Variants in COG5 observed in about 807,000 individuals in gnomAD.
COG5 encodes component of oligomeric golgi complex 5, also known as conserved oligomeric Golgi complex subunit 5.
Under a neutral mutation model 110.4 loss-of-function variants are expected in COG5, and 86 were observed. The observed-to-expected ratio is 0.78, with a 90% confidence interval of 0.65 to 0.93. The LOEUF is 0.93. COG5 is among the 40% of genes least tolerant of loss of function. The pLI is 0.00. For missense variants in COG5, 1,077 were observed against 987.0 expected, an observed-to-expected ratio of 1.09 and a Z score of -1.22; for synonymous variants, 360 against 334.6, an observed-to-expected ratio of 1.08 and a Z score of -0.83.
At chr7:107,403,833 G>A (rs1791616739) in intron 7 of COG5, among the ~76,000 whole-genome samples, 1 of 152,194 alleles carries the variant, frequency 6.6e-6, no homozygotes, top group East Asian at 1.9e-4. Context: ...TAAGGAGGAT[G>A]CATTGGGAAC....
chr7:107,240,474 C>T (rs991035095), intron 17 of COG5, among the ~76,000 whole-genome samples: 2 of 152,148 alleles, frequency 1.3e-5, no homozygotes, highest in African/African-American at 2.4e-5. Context: ...CCTCGGCCTC[C>T]GAAAGTGCTG....
At chr7:107,503,622 C>A (rs560573417) in intron 6 of COG5, among the ~76,000 whole-genome samples, 2 of 152,128 alleles carry the variant, frequency 1.3e-5, no homozygotes, top group Non-Finnish European at 2.9e-5. Flanking sequence ...ATTGATTCTT[C>A]CAATCTATGA....
At chr7:107,372,447 A>T in intron 8 of COG5, 148 bp downstream of exon 8, 1 of 766,290 alleles carries the variant, frequency 1.3e-6, no homozygotes, top group East Asian at 2.7e-5. Context: ...GATATAAATA[A>T]ATTCTGAAAC....
At chr7:107,396,527 G>A (rs1791023720) in intron 7 of COG5, among the ~76,000 whole-genome samples, 1 of 118,776 alleles carries the variant, frequency 8.4e-6, no homozygotes, top group Admixed American at 1.1e-4. Context: ...AGGCCAGGGG[G>A]GTGAGGAGTG....
intron 5 of COG5, among the ~76,000 whole-genome samples, chr7:107,529,024 T>TAAAAAAA (rs58281094): frequency 4.1e-5 from 4 of 97,846 alleles, no homozygotes; most frequent in Admixed American, 1.0e-4. Flanking sequence ...AATACTTAAA[T>TAAAAAAA]AAAAAAAAAA....
intron 21 of COG5, among the ~76,000 whole-genome samples, chr7:107,205,699 A>C (rs1798720277): frequency 6.6e-6 from 1 of 152,006 alleles, no homozygotes; most frequent in South Asian, 2.1e-4. Context: ...GCAGCTCTTT[A>C]TCTCTTAGGA....
chr7:107,462,036 A>G (rs1452667028), intron 6 of COG5, among the ~76,000 whole-genome samples: 5 of 152,348 alleles, frequency 3.3e-5, no homozygotes, highest in African/African-American at 1.2e-4. Context: ...TGGACAGAAC[A>G]TAGCTCACAC....
chr7:107,551,535 CACTT>C (rs1304284203), intron 3 of COG5, among the ~76,000 whole-genome samples: 4 of 152,292 alleles, frequency 2.6e-5, no homozygotes, highest in East Asian at 3.8e-4. Context: ...ATACACACCA[CACTT>C]ACTTTTCAGC....
chr7:107,222,957 A>G (rs1046937161), intron 19 of COG5, among the ~76,000 whole-genome samples: 1 of 152,184 alleles, frequency 6.6e-6, no homozygotes, highest in Non-Finnish European at 1.5e-5. Flanking sequence ...TGCAGCTGTC[A>G]GTCTTCTGAC....
intron 7 of COG5, among the ~76,000 whole-genome samples, chr7:107,399,305 T>G (rs1791254076): frequency 6.6e-6 from 1 of 152,136 alleles, no homozygotes; most frequent in African/African-American, 2.4e-5. Context: ...AAGAAAATAT[T>G]TATGATATGG....
chr7:107,258,523 A>T, intron 14 of COG5, 140 bp from the exon 15 acceptor site: 1 of 684,420 alleles, frequency 1.5e-6, no homozygotes, highest in Non-Finnish European at 2.7e-6. Context: ...GACAAAGAGA[A>T]TGTTAACTGG....
intron 11 of COG5, among the ~76,000 whole-genome samples, chr7:107,317,961 A>C (rs1808900993): frequency 6.6e-6 from 1 of 152,224 alleles, no homozygotes; most frequent in African/African-American, 2.4e-5. Context: ...AATAATAAAC[A>C]ATATCGGAAG....
At chr7:107,366,949 C>G (rs149780323) in intron 8 of COG5, among the ~76,000 whole-genome samples, 2 of 151,976 alleles carry the variant, frequency 1.3e-5, no homozygotes, top group African/African-American at 4.8e-5. Context: ...GTGGGAAAGG[C>G]TGAATTGGGA....
At chr7:107,233,388 C>T (rs933503485) in intron 18 of COG5, among the ~76,000 whole-genome samples, 1 of 152,164 alleles carries the variant, frequency 6.6e-6, no homozygotes, top group Non-Finnish European at 1.5e-5. Flanking sequence ...CACCTCGTGC[C>T]CATGACCTGG....
At chr7:107,275,815 T>C (rs1290865545) in intron 14 of COG5, among the ~76,000 whole-genome samples, 3 of 151,954 alleles carry the variant, frequency 2.0e-5, no homozygotes, top group Non-Finnish European at 4.4e-5. Context: ...TGAGCCACCA[T>C]ACCTGGCCAA....
At chr7:107,317,458 C>T (rs1211125192) in intron 11 of COG5, among the ~76,000 whole-genome samples, 1 of 152,112 alleles carries the variant, frequency 6.6e-6, no homozygotes, top group Non-Finnish European at 1.5e-5. Context: ...GAGGGAACAT[C>T]CTGTTACATT....
intron 10 of COG5, among the ~76,000 whole-genome samples, chr7:107,334,855 C>A (rs113781023): frequency 6.6e-6 from 1 of 151,526 alleles, no homozygotes; most frequent in Non-Finnish European, 1.5e-5. Context: ...AAATTAAGTA[C>A]GCAAACAAAA....
chr7:107,449,775 T>C (rs1250940357), intron 6 of COG5, among the ~76,000 whole-genome samples: 1 of 152,158 alleles, frequency 6.6e-6, no homozygotes, highest in Non-Finnish European at 1.5e-5. Flanking sequence ...TAAGGACCAC[T>C]GTAAAAAAAG....
chr7:107,256,725 CT>C lies in COG5; in HGVS notation c.1749+6del, dbSNP rs1562936361. 1 of 1,597,596 alleles carries C rather than the reference CT, an allele frequency of 6.3e-7. No homozygotes were observed. The highest frequency in any genetic ancestry group is 1.1e-5 in the South Asian group (1 of 90,276). On this transcript the variant is annotated splice_donor_region_variant and intron_variant, in intron 16 of 21. Transcript: ENST00000297135. The stretch of plus-strand genomic sequence containing the variant: ...GATCTATAGAGTCAAAGATTAAATT[CT>C]TTTACCTTTAGAGCTGAAATTATAG...
Sources: gnomAD v4.1 joint callset for allele counts (sites outside exome capture counted in the v4.1 genomes callset) on GRCh38, gnomAD v4.1.1 for gene constraint, MANE v1.5 for transcripts, NCBI Gene and HGNC (gene_info 2026-07-23, HGNC 2026-07-21) for gene names.